Variants in PROCR observed in about 807,000 individuals in gnomAD.
PROCR encodes endothelial protein C receptor.
A neutral mutation model predicts 24.2 loss-of-function variants in PROCR; 22 were observed. That is an observed-to-expected ratio of 0.91 (90% CI 0.65 to 1.30). PROCR has a LOEUF of 1.30. PROCR is among the 50% of genes most tolerant of loss of function. The pLI, the probability that PROCR is intolerant of heterozygous loss-of-function variation, is 0.00. For synonymous variants in PROCR, 137 were observed against 139.2 expected (o/e 0.98, Z 0.11); for missense variants, 288 against 307.7 (o/e 0.94, Z 0.48).
chr20:35,194,096 A>C (rs1042102237), intron 1 of PROCR, among the ~76,000 whole-genome samples: 4 of 152,218 alleles, frequency 2.6e-5, no homozygotes, highest in African/African-American at 9.6e-5. Flanking sequence ...GAATAAGGTA[A>C]GGACTGATCA....
intron 1 of PROCR, among the ~76,000 whole-genome samples, chr20:35,192,081 G>T (rs2086178096): frequency 1.3e-5 from 2 of 152,100 alleles, no homozygotes; most frequent in Admixed American, 1.3e-4. Context: ...AGGAAGGAAA[G>T]AAAAGACAGT....
chr20:35,210,558 AC>A (rs2146181373), intron 1 of PROCR, among the ~76,000 whole-genome samples: 1 of 152,278 alleles, frequency 6.6e-6, no homozygotes, highest in East Asian at 1.9e-4. Context: ...AAACAAACAA[AC>A]AAAAATATAG....
chr20:35,197,490 A>G (rs1162690918), intron 1 of PROCR, among the ~76,000 whole-genome samples: 1 of 152,180 alleles, frequency 6.6e-6, no homozygotes, highest in African/African-American at 2.4e-5. Context: ...AAATTAGGCC[A>G]ATGAATAACC....
chr20:35,207,163 T>C (rs2060345642), intron 1 of PROCR, among the ~76,000 whole-genome samples: 1 of 152,144 alleles, frequency 6.6e-6, no homozygotes, highest in South Asian at 2.1e-4. Flanking sequence ...AGAGAACATA[T>C]CAGTGTTGCC....
At chr20:35,178,519 T>TTTTTTG (rs2086047919), downstream of PROCR, among the ~76,000 whole-genome samples, 2 of 50,884 alleles carry the variant, frequency 3.9e-5, no homozygotes, top group Admixed American at 2.9e-4. Flanking sequence ...TTTTTTTTTT[T>TTTTTTG]TTTTTTTTTT....
chr20:35,201,359 C>T (rs1394956059), intron 1 of PROCR, among the ~76,000 whole-genome samples: 2 of 152,158 alleles, frequency 1.3e-5, no homozygotes, highest in Admixed American at 6.6e-5. Flanking sequence ...TGTAAATGGT[C>T]TTTAAAAATG....
At chr20:35,191,797 C>T (rs1375781523) in intron 1 of PROCR, among the ~76,000 whole-genome samples, 4 of 152,176 alleles carry the variant, frequency 2.6e-5, no homozygotes, top group Non-Finnish European at 5.9e-5. Flanking sequence ...ATTATCTGTA[C>T]TTTGCTATTT....
At chr20:35,176,141 C>A in intron 2 of PROCR, 27 bp from the exon 3 acceptor site, 2 of 1,605,744 alleles carry the variant, frequency 1.2e-6, no homozygotes, top group South Asian at 2.2e-5. Context: ...TCTGCACAGT[C>A]CCCTGACCCT....
chr20:35,183,291 T>C (rs2086094906), intron 1 of PROCR, among the ~76,000 whole-genome samples: 1 of 152,176 alleles, frequency 6.6e-6, no homozygotes, highest in African/African-American at 2.4e-5. Flanking sequence ...GGCAGATCCC[T>C]CATGAATGGC....
At position 35,200,471 on chromosome 20, in the gene PROCR, C is replaced by T. The variant is rs558240957; in HGVS notation, c.95-15422C>T. Among the ~76,000 whole-genome samples the T allele has an allele frequency of 6.6e-5, 10 of 152,288 alleles. No homozygotes were observed. In the South Asian group the frequency reaches 1.0e-3, roughly 16 times the overall value. The stretch of plus-strand genomic sequence containing the variant: ...CTCCACCAGAGAAAAGACTATGACT[C>T]ACCGAAGGCTCTGATGATTGTTCAG... On this transcript the variant is annotated intron_variant, in intron 1 of 1. Transcript: ENST00000634509.
chr20:35,212,573 G>A (rs1010027560), intron 1 of PROCR, among the ~76,000 whole-genome samples: 19 of 152,140 alleles, frequency 1.2e-4, no homozygotes, highest in Admixed American at 2.0e-4. Flanking sequence ...AGGTCTTGTC[G>A]TAACAGTAAT....
chr20:35,184,883 T>A (rs2086109777), intron 1 of PROCR, among the ~76,000 whole-genome samples: 1 of 151,954 alleles, frequency 6.6e-6, no homozygotes, highest in Non-Finnish European at 1.5e-5. Flanking sequence ...TGGGACCTAA[T>A]TAAACCAAAG....
intron 1 of PROCR, among the ~76,000 whole-genome samples, chr20:35,188,093 G>C (rs1033090069): frequency 6.6e-6 from 1 of 152,190 alleles, no homozygotes; most frequent in East Asian, 1.9e-4. Flanking sequence ...TTTTAATTCA[G>C]TTCAACACGT....
intron 1 of PROCR, chr20:35,215,816 A>G: frequency 1.0e-6 from 1 of 963,038 alleles, no homozygotes; most frequent in Non-Finnish European, 1.2e-6. Context: ...ATTCAGAGGA[A>G]GGAGGAGAGA....
chr20:35,205,907 T>TC (rs550750821), intron 1 of PROCR, among the ~76,000 whole-genome samples: 3,215 of 140,212 alleles, frequency 0.023, 43 homozygotes, highest in Admixed American at 0.031. Flanking sequence ...CCTCCGGTGA[T>TC]CCCCCCCCCA....
chr20:35,171,840 T>C (rs1048303595), upstream of PROCR, among the ~76,000 whole-genome samples: 1 of 151,936 alleles, frequency 6.6e-6, no homozygotes, highest in East Asian at 1.9e-4. Flanking sequence ...CTCCCCCTTT[T>C]CCGCTCCCTG....
intron 1 of PROCR, 33 bp from the exon 2 acceptor site, chr20:35,174,669 G>A: frequency 6.2e-7 from 1 of 1,612,966 alleles, no homozygotes; most frequent in Non-Finnish European, 8.5e-7. Context: ...CCCCTCCCAC[G>A]CCGGCCCAGG....
chr20:35,189,463 G>A (rs2086155273), intron 1 of PROCR, among the ~76,000 whole-genome samples: 1 of 152,114 alleles, frequency 6.6e-6, no homozygotes, highest in Non-Finnish European at 1.5e-5. Flanking sequence ...CATGCACAGT[G>A]GGACATGGAA....
At chr20:35,214,408 C>T (rs559251954) in intron 1 of PROCR, among the ~76,000 whole-genome samples, 1 of 152,062 alleles carries the variant, frequency 6.6e-6, no homozygotes, top group Non-Finnish European at 1.5e-5. Flanking sequence ...TGCATTGGGC[C>T]GGGCGCGGTG....
Sources: gnomAD v4.1 joint callset for allele counts (sites outside exome capture counted in the v4.1 genomes callset) on GRCh38, gnomAD v4.1.1 for gene constraint, MANE v1.5 for transcripts, NCBI Gene and HGNC (gene_info 2026-07-23, HGNC 2026-07-21) for gene names.